SYNJ1: variants seen among roughly 807,000 people sequenced by gnomAD.
SYNJ1 encodes polyphosphatidylinositol phosphatase SYNJ1.
SYNJ1 carries 78 observed loss-of-function variants against 168.2 expected under a neutral mutation model. That is an observed-to-expected ratio of 0.46 (90% CI 0.39 to 0.56). SYNJ1 has a LOEUF of 0.56. Ranked by LOEUF, SYNJ1 falls within the 20% of genes least tolerant of loss-of-function variation. The pLI, the probability that SYNJ1 is intolerant of heterozygous loss-of-function variation, is 0.00. For missense variants in SYNJ1, 1,303 were observed against 1,597.6 expected (o/e 0.82, Z 3.14); for synonymous variants, 539 against 548.6 (o/e 0.98, Z 0.24).
intron 4 of SYNJ1, among the ~76,000 whole-genome samples, chr21:32,696,720 C>G (rs1208257975): frequency 6.6e-6 from 1 of 152,018 alleles, no homozygotes; most frequent in African/African-American, 2.4e-5. Context: ...AGCAATAGCC[C>G]CAACTCCCTG....
chr21:32,694,878 C>A (rs2042147502), intron 5 of SYNJ1, among the ~76,000 whole-genome samples, 179 bp downstream of exon 5: 1 of 152,260 alleles, frequency 6.6e-6, no homozygotes, highest in East Asian at 1.9e-4. Flanking sequence ...TGAAGAGCCA[C>A]ACCAAAATAA....
intron 2 of SYNJ1, among the ~76,000 whole-genome samples, chr21:32,710,601 T>C (rs1264547174): frequency 6.6e-6 from 1 of 151,950 alleles, no homozygotes; most frequent in African/African-American, 2.4e-5. Flanking sequence ...CATAGCTCAC[T>C]GTAACCTGAA....
intron 11 of SYNJ1, among the ~76,000 whole-genome samples, chr21:32,681,082 T>C (rs1031138236): frequency 2.6e-5 from 4 of 152,212 alleles, no homozygotes; most frequent in East Asian, 1.9e-4. Flanking sequence ...CAGTAGGCAC[T>C]GTGTTAAGTG....
chr21:32,688,487 G>C, intron 6 of SYNJ1, 120 bp from the exon 7 acceptor site: 1 of 758,508 alleles, frequency 1.3e-6, no homozygotes, highest in Non-Finnish European at 2.0e-6. Flanking sequence ...TCAAATAACT[G>C]ATTTCCATTC....
intron 31 of SYNJ1, among the ~76,000 whole-genome samples, chr21:32,637,536 G>GT (rs1463099580): frequency 6.6e-6 from 1 of 151,088 alleles, no homozygotes; most frequent in Non-Finnish European, 1.5e-5. Flanking sequence ...AGCCTCCTGA[G>GT]TAGCTGGGAC....
intron 23 of SYNJ1, among the ~76,000 whole-genome samples, chr21:32,649,735 A>C (rs1394594828): frequency 6.6e-6 from 1 of 152,168 alleles, no homozygotes; most frequent in African/African-American, 2.4e-5. Flanking sequence ...ACACAATATG[A>C]TGTGAAATAA....
intron 2 of SYNJ1, among the ~76,000 whole-genome samples, chr21:32,708,628 T>G (rs144722551): frequency 2.6e-5 from 4 of 152,348 alleles, no homozygotes; most frequent in Admixed American, 2.0e-4. Context: ...AAATTCCAAC[T>G]TCTAAAGTTT....
intron 14 of SYNJ1, among the ~76,000 whole-genome samples, chr21:32,670,573 CTTT>C (rs2041147373): frequency 6.6e-6 from 1 of 152,106 alleles, no homozygotes; most frequent in South Asian, 2.1e-4. Context: ...AAGTTTGCTT[CTTT>C]AAGACGGTTA....
chr21:32,701,636 T>C (rs1334725957), intron 3 of SYNJ1, among the ~76,000 whole-genome samples: 1 of 151,634 alleles, frequency 6.6e-6, no homozygotes, highest in Non-Finnish European at 1.5e-5. Context: ...GTAGTTCTCA[T>C]GCAGACACTT....
intron 6 of SYNJ1, among the ~76,000 whole-genome samples, chr21:32,693,919 T>C (rs544882488): frequency 2.0e-5 from 3 of 152,308 alleles, no homozygotes; most frequent in African/African-American, 4.8e-5. Flanking sequence ...TAAATCATTA[T>C]ATACTAAGAT....
chr21:32,705,330 G>A lies in SYNJ1; in HGVS notation c.125-3283C>T, dbSNP rs532636033. On this transcript the variant is annotated intron_variant, in intron 2 of 32. Coordinates refer to ENST00000674351, the MANE Select transcript of SYNJ1 (RefSeq NM_203446.3). ...ACTCTGACAGCAATGCGCATACCTAGCATACTTTGGCTTCTACATACCATT... is the reference window on the plus strand; with the variant it reads ...ACTCTGACAGCAATGCGCATACCTAACATACTTTGGCTTCTACATACCATT... 4.6e-5 allele frequency among the ~76,000 whole-genome samples: 7 copies of A among 152,192 alleles called. No individual in the cohort carries two copies. In the South Asian group the frequency reaches 1.2e-3, roughly 27 times the overall value.
intron 2 of SYNJ1, among the ~76,000 whole-genome samples, chr21:32,723,330 C>CTTTAG (rs2043318530): frequency 3.3e-5 from 5 of 152,162 alleles, no homozygotes; most frequent in Admixed American, 3.3e-4. Flanking sequence ...ATTGCTAATC[C>CTTTAG]TCAACACTGT....
chr21:32,698,851 G>A (rs2042299645), intron 4 of SYNJ1, among the ~76,000 whole-genome samples: 1 of 152,204 alleles, frequency 6.6e-6, no homozygotes, highest in Non-Finnish European at 1.5e-5. Flanking sequence ...ATAAGGGAAT[G>A]TTGGCTTAGA....
At chr21:32,700,180 A>G (rs548738624) in intron 3 of SYNJ1, 75 bp from the exon 4 acceptor site, 6 of 1,468,208 alleles carry the variant, frequency 4.1e-6, no homozygotes, top group East Asian at 2.3e-5. Context: ...TTGCACCTCT[A>G]TTTTTTAAAT....
At chr21:32,724,339 T>C (rs2043365011) in intron 2 of SYNJ1, among the ~76,000 whole-genome samples, 1 of 151,832 alleles carries the variant, frequency 6.6e-6, no homozygotes, top group Non-Finnish European at 1.5e-5. Flanking sequence ...AATACAAAAA[T>C]TAGCAAGGCG....
At chr21:32,639,201 A>G (rs1308283382) in intron 30 of SYNJ1, 76 bp from the exon 31 acceptor site, 2 of 1,350,020 alleles carry the variant, frequency 1.5e-6, no homozygotes, top group African/African-American at 1.5e-5. Flanking sequence ...GTGAAATGTT[A>G]GGAGAACATT....
chr21:32,699,644 C>T (rs1047390003), intron 4 of SYNJ1, among the ~76,000 whole-genome samples, 194 bp downstream of exon 4: 1 of 152,080 alleles, frequency 6.6e-6, no homozygotes, highest in South Asian at 2.1e-4. Flanking sequence ...TCCCTCAAGG[C>T]GTTGGGACCC....
intron 6 of SYNJ1, among the ~76,000 whole-genome samples, chr21:32,691,865 A>T (rs1041927490): frequency 2.0e-5 from 3 of 152,242 alleles, no homozygotes; most frequent in Admixed American, 6.5e-5. Flanking sequence ...CTGAGTGGCC[A>T]CTGAAGGACA....
intron 2 of SYNJ1, among the ~76,000 whole-genome samples, chr21:32,708,031 C>T (rs1421659268): frequency 2.6e-5 from 4 of 152,044 alleles, no homozygotes; most frequent in Non-Finnish European, 5.9e-5. Flanking sequence ...AGAGGTAAAA[C>T]ATTTTACTTT....
Sources: gnomAD v4.1 joint callset for allele counts (sites outside exome capture counted in the v4.1 genomes callset) on GRCh38, gnomAD v4.1.1 for gene constraint, MANE v1.5 for transcripts, NCBI Gene and HGNC (gene_info 2026-07-23, HGNC 2026-07-21) for gene names.